SAMD4A: variants seen among roughly 807,000 people sequenced by gnomAD.
SAMD4A encodes sterile alpha motif domain containing 4A, also known as protein Smaug homolog 1.
In SAMD4A, 33 loss-of-function variants were observed where a neutral mutation model predicts 81.3. That is an observed-to-expected ratio of 0.41 (90% CI 0.31 to 0.54). The LOEUF (loss-of-function observed/expected upper bound fraction) is 0.54, where lower values mean the gene tolerates loss of function less well. Ranked by LOEUF, SAMD4A falls within the 20% of genes least tolerant of loss-of-function variation. The probability of loss-of-function intolerance (pLI) is 0.37; values close to 1 mark genes in which losing one functional copy is unlikely to be tolerated. For missense variants in SAMD4A, 854 were observed against 951.1 expected (o/e 0.90, Z 1.34); for synonymous variants, 389 against 382.1 (o/e 1.02, Z -0.21).
At chr14:54,713,201 TTTCAAAAAA>T (rs1468604020) in intron 3 of SAMD4A, among the ~76,000 whole-genome samples, 1 of 152,192 alleles carries the variant, frequency 6.6e-6, no homozygotes, top group Non-Finnish European at 1.5e-5. Flanking sequence ...ATATCTTTAA[TTTCAAAAAA>T]TTAAACCTTT....
rs527775555 is a variant in SAMD4A, at chr14:54,589,578, A to G, written c.196+21466A>G. On this transcript the variant is annotated intron_variant, in intron 2 of 12. Transcript: ENST00000554335. ...GCACGTATGTCTTTTGGGGAGGGAA[A>G]AAGGTGGCTTGTGTTATTCACTCAT... Among the ~76,000 whole-genome samples the G allele has an allele frequency of 5.9e-5, 9 of 152,342 alleles. No individual in the cohort carries two copies. In the East Asian group the frequency reaches 1.7e-3, roughly 29 times the overall value.
rs139369991 is a variant in SAMD4A at position 54,681,808 on chromosome 14, C to T, written c.197-20254C>T. On this transcript the variant is annotated intron_variant, in intron 2 of 12. Coordinates refer to ENST00000554335, the MANE Select transcript of SAMD4A (RefSeq NM_015589.6). ...AAAATATGCAGGGAGATGAGTTTAG[C>T]AGGGCTTAAGTTCAAACAAAGTAAG... 1.6e-4 allele frequency: 155 copies of T among 985,282 alleles called. 2 individuals carry two copies. In the East Asian group the frequency reaches 0.013, roughly 83 times the overall value. 61.0% of individuals were successfully genotyped at this position (985,282 alleles called of 1,614,324 possible).
intron 3 of SAMD4A, 144 bp downstream of exon 3, chr14:54,702,724 T>C (rs761490650): frequency 1.8e-4 from 170 of 943,406 alleles, no homozygotes; most frequent in Non-Finnish European, 2.5e-4. Context: ...GAAAGGTCCT[T>C]TGGACCCCAT....
In SAMD4A at chr14:54,675,367, C is replaced by CAAAAAAAAAAAAAAAAAAAAAA. The variant is rs59110762; in HGVS notation, c.197-26675_197-26674insAAAAAAAAAAAAAAAAAAAAAA. Reference sequence around the variant, plus strand: ...GGCAACAAGAGTGAAACTCCGTCTCCAAAAAAAAAAAAAAAAAAAAGGCAG... The same window carrying CAAAAAAAAAAAAAAAAAAAAAA: ...GGCAACAAGAGTGAAACTCCGTCTCCAAAAAAAAAAAAAAAAAAAAAAAAAAAAAAAAAAAAAAAAAAGGCAG... On this transcript the variant is annotated intron_variant, in intron 2 of 12. Transcript: ENST00000554335. Among the ~76,000 whole-genome samples, 21 of 75,382 alleles carry CAAAAAAAAAAAAAAAAAAAAAA rather than the reference C, an allele frequency of 2.8e-4. 1 individual carries two copies. The highest frequency in any genetic ancestry group is 6.0e-4 in the South Asian group (1 of 1,662). 49.5% of individuals were successfully genotyped at this position (75,382 alleles called of 152,430 possible).
At chr14:54,755,071 G>A (rs1228342270) in intron 6 of SAMD4A, among the ~76,000 whole-genome samples, 1 of 152,226 alleles carries the variant, frequency 6.6e-6, no homozygotes, top group Non-Finnish European at 1.5e-5. Flanking sequence ...GAAGCCTTCA[G>A]AAGAGCTGGA....
intron 2 of SAMD4A, among the ~76,000 whole-genome samples, chr14:54,643,096 G>A (rs755383805): frequency 5.3e-5 from 8 of 152,246 alleles, no homozygotes; most frequent in Admixed American, 1.3e-4. Flanking sequence ...AATCAACAAG[G>A]CAGGAGGGGG....
In SAMD4A at chr14:54,741,373, C is replaced by G. The variant is rs545071492; in HGVS notation, c.979+4086C>G. On this transcript the variant is annotated intron_variant, in intron 4 of 12. Coordinates refer to ENST00000554335, the MANE Select transcript of SAMD4A (RefSeq NM_015589.6). ...ATGTTCTCAAAGATGGTACATAAACCCAACACGCTAAGACTTAACAAAATG... is the reference window on the plus strand; with the variant it reads ...ATGTTCTCAAAGATGGTACATAAACGCAACACGCTAAGACTTAACAAAATG... 5.9e-5 allele frequency among the ~76,000 whole-genome samples: 9 copies of G among 152,276 alleles called. No homozygotes were observed. In the South Asian group the frequency reaches 1.9e-3, roughly 32 times the overall value.
chr14:54,620,159 T>C (rs563438753), intron 2 of SAMD4A, among the ~76,000 whole-genome samples: 2 of 152,258 alleles, frequency 1.3e-5, no homozygotes, highest in South Asian at 4.2e-4. Context: ...ACTTTTTAGA[T>C]GTTGAAACAG....
chr14:54,683,562 G>C (rs1022140509), intron 2 of SAMD4A, among the ~76,000 whole-genome samples: 1 of 152,136 alleles, frequency 6.6e-6, no homozygotes, highest in Non-Finnish European at 1.5e-5. Flanking sequence ...TCCTGGCAGA[G>C]CTCTGAGTAT....
intron 2 of SAMD4A, among the ~76,000 whole-genome samples, chr14:54,635,056 AAAGT>A (rs548004775): frequency 5.9e-5 from 9 of 152,308 alleles, no homozygotes; most frequent in South Asian, 2.1e-4. Flanking sequence ...TTTGTAGATA[AAAGT>A]GAGTCTCATT....
intron 2 of SAMD4A, among the ~76,000 whole-genome samples, chr14:54,596,760 A>G (rs914269049): frequency 6.6e-6 from 1 of 152,126 alleles, no homozygotes; most frequent in Admixed American, 6.5e-5. Flanking sequence ...GGAGGACCCA[A>G]ATGAACCCCA....
At position 54,791,562 on chromosome 14, in the gene SAMD4A, TAAC is replaced by T. The variant is rs1467608503; in HGVS notation, c.*2623_*2625del. 1 of 152,160 alleles carries T rather than the reference TAAC, an allele frequency of 6.6e-6. No homozygotes were observed. Among genetic ancestry groups the T allele is most frequent in the East Asian group, 1.9e-4 (1 of 5,202 alleles). 9.4% of individuals were successfully genotyped at this position (152,160 alleles called of 1,614,324 possible). On this transcript the variant is annotated 3_prime_UTR_variant, in exon 13 of 13. Coordinates refer to ENST00000554335, the MANE Select transcript of SAMD4A (RefSeq NM_015589.6). ...TAACCATGATAAAGTCTGTTATTAA[TAAC>T]AACATAATTCTTTTTTTAAAGAAGA...
chr14:54,626,776 C>T (rs2034774243), intron 2 of SAMD4A, among the ~76,000 whole-genome samples: 1 of 152,122 alleles, frequency 6.6e-6, no homozygotes, highest in African/African-American at 2.4e-5. Flanking sequence ...AATAGCAATA[C>T]ATTCACTGAA....
In SAMD4A at chr14:54,776,495, C is replaced by T; in HGVS notation, c.1999C>T (p.Pro667Ser). 6.3e-7 allele frequency: 1 copy of T among 1,594,868 alleles called. No homozygotes were observed. Among genetic ancestry groups the T allele is most frequent in the Non-Finnish European group, 8.5e-7 (1 of 1,171,574 alleles). The change falls in exon 11 of 13, where the codon CCC (proline) becomes TCC (serine). Residue 667 changes from proline to serine, a missense_variant. By Grantham distance (74) the Pro-to-Ser change is moderately conservative. Coordinates refer to ENST00000554335, the MANE Select transcript of SAMD4A (RefSeq NM_015589.6). ...HSSVQRTRSLPVHTSPQNMLM... is the reference protein window; with the variant it reads ...HSSVQRTRSLSVHTSPQNMLM... ...CTCAGTCCAGAGGACCCGCTCGCTG[C>T]CCGTGCACACTTCCCCACAGAACAT...
At chr14:54,752,329 G>T (rs1054498524) in intron 6 of SAMD4A, among the ~76,000 whole-genome samples, 18 of 152,168 alleles carry the variant, frequency 1.2e-4, no homozygotes, top group Admixed American at 4.6e-4. Context: ...CCTCACACAA[G>T]TGTGAACCAG....
chr14:54,678,400 A>T (rs1371473322), intron 2 of SAMD4A, among the ~76,000 whole-genome samples: 1 of 140,104 alleles, frequency 7.1e-6, no homozygotes, highest in South Asian at 2.2e-4. Flanking sequence ...GTTTTCTCTA[A>T]TACCAATGTG....
intron 2 of SAMD4A, among the ~76,000 whole-genome samples, chr14:54,682,321 CT>C (rs2140579162): frequency 6.6e-6 from 1 of 152,288 alleles, no homozygotes; most frequent in East Asian, 1.9e-4. Flanking sequence ...CCTCTGAGGC[CT>C]TTCTATCTTC....
intron 3 of SAMD4A, among the ~76,000 whole-genome samples, chr14:54,730,757 TTTG>T: frequency 6.6e-6 from 1 of 152,214 alleles, no homozygotes; most frequent in Non-Finnish European, 1.5e-5. Context: ...TGTTATTTTT[TTTG>T]TTGTTTGTTT....
intron 3 of SAMD4A, among the ~76,000 whole-genome samples, chr14:54,712,694 T>G (rs1192812626): frequency 6.6e-6 from 1 of 152,176 alleles, no homozygotes; most frequent in Non-Finnish European, 1.5e-5. Flanking sequence ...GCCTGCTAGT[T>G]GATCATGTGT....
Sources: allele counts gnomAD v4.1 joint callset (sites outside exome capture counted in the v4.1 genomes callset), GRCh38; gene constraint gnomAD v4.1.1; transcripts MANE v1.5; gene names NCBI Gene and HGNC (gene_info 2026-07-23, HGNC 2026-07-21).